Variants in DACH1 observed in about 807,000 individuals in gnomAD.
DACH1 encodes dachshund homolog 1.
A neutral mutation model predicts 54.2 loss-of-function variants in DACH1; 12 were observed. That is an observed-to-expected ratio of 0.22 (90% confidence interval 0.14 to 0.36). DACH1 has a LOEUF of 0.36. DACH1 is among the 10% of genes least tolerant of loss of function. DACH1 has a pLI of 1.00. For missense variants in DACH1, 805 were observed against 929.8 expected, an observed-to-expected ratio of 0.87 and a Z score of 1.75; for synonymous variants, 386 against 366.2, an observed-to-expected ratio of 1.05 and a Z score of -0.62.
intron 6 of DACH1, among the ~76,000 whole-genome samples, chr13:71,519,883 G>GTA (rs57190375): frequency 0.051 from 1,488 of 29,362 alleles, 205 homozygotes; most frequent in South Asian, 0.096. Context: ...AACCAAAGTA[G>GTA]TATATATATA....
At chr13:71,581,473 T>C (rs1872847013) in intron 3 of DACH1, among the ~76,000 whole-genome samples, 1 of 152,216 alleles carries the variant, frequency 6.6e-6, no homozygotes, top group African/African-American at 2.4e-5. Context: ...GCCAGGCTGG[T>C]CTCGAAGTCC....
At chr13:71,555,862 CAATA>C (rs1168406465) in intron 6 of DACH1, among the ~76,000 whole-genome samples, 1 of 152,052 alleles carries the variant, frequency 6.6e-6, no homozygotes, top group Non-Finnish European at 1.5e-5. Flanking sequence ...TCAAGTTTCA[CAATA>C]AATAATGTAA....
At chr13:71,719,128 T>C (rs1227605015) in intron 1 of DACH1, among the ~76,000 whole-genome samples, 1 of 152,200 alleles carries the variant, frequency 6.6e-6, no homozygotes, top group African/African-American at 2.4e-5. Context: ...AACAGTCAAC[T>C]AAACCCTGCG....
intron 1 of DACH1, among the ~76,000 whole-genome samples, chr13:71,854,585 C>T (rs1450103305): frequency 3.9e-5 from 6 of 151,986 alleles, no homozygotes; most frequent in Non-Finnish European, 7.4e-5. Context: ...CTAGAAAGTG[C>T]CTCTGAAAGA....
chr13:71,608,740 G>A (rs1311898850), intron 3 of DACH1, among the ~76,000 whole-genome samples: 1 of 151,960 alleles, frequency 6.6e-6, no homozygotes, highest in Non-Finnish European at 1.5e-5. Flanking sequence ...AAAATGTATG[G>A]GCTTGAGTAT....
At chr13:71,674,382 T>A (rs946252279) in intron 2 of DACH1, among the ~76,000 whole-genome samples, 2 of 152,084 alleles carry the variant, frequency 1.3e-5, no homozygotes, top group East Asian at 3.9e-4. Context: ...TCCTGTATTA[T>A]CTAATGTAGC....
intron 1 of DACH1, among the ~76,000 whole-genome samples, chr13:71,735,804 C>A (rs114693003): frequency 0.015 from 2,319 of 151,980 alleles, 41 homozygotes; most frequent in African/African-American, 0.04. Context: ...TAATCCATTT[C>A]AAAATTTTAC....
chr13:71,548,189 G>A (rs958468675), intron 6 of DACH1, among the ~76,000 whole-genome samples: 1 of 152,130 alleles, frequency 6.6e-6, no homozygotes, highest in Non-Finnish European at 1.5e-5. Context: ...ATTTAGTGAT[G>A]ATTAGCCATA....
chr13:71,862,620 C>T (rs1050954957), intron 1 of DACH1, among the ~76,000 whole-genome samples: 10 of 151,860 alleles, frequency 6.6e-5, no homozygotes, highest in Non-Finnish European at 1.0e-4. Flanking sequence ...TTTTCACCTC[C>T]TTGTGGTAAT....
chr13:71,800,197 T>C (rs1218440665), intron 1 of DACH1, among the ~76,000 whole-genome samples: 1 of 152,080 alleles, frequency 6.6e-6, no homozygotes, highest in Non-Finnish European at 1.5e-5. Flanking sequence ...TCAAACACTG[T>C]GATTATATAC....
intron 1 of DACH1, among the ~76,000 whole-genome samples, chr13:71,762,808 T>C (rs914545760): frequency 6.7e-6 from 1 of 148,514 alleles, no homozygotes; most frequent in Admixed American, 6.7e-5. Flanking sequence ...TACATCTAAG[T>C]GGTAGATACA....
At chr13:71,536,345 G>GTGTT (rs1370852582) in intron 6 of DACH1, among the ~76,000 whole-genome samples, 3 of 152,040 alleles carry the variant, frequency 2.0e-5, no homozygotes, top group Non-Finnish European at 2.9e-5. Context: ...TTTGGTTAAA[G>GTGTT]TGTTAGTCTA....
At chr13:71,722,438 C>T (rs1049937316) in intron 1 of DACH1, among the ~76,000 whole-genome samples, 3 of 152,098 alleles carry the variant, frequency 2.0e-5, no homozygotes, top group Non-Finnish European at 4.4e-5. Flanking sequence ...TAAGTCATAC[C>T]GAACACCAAA....
At chr13:71,773,970 C>G (rs1318295784) in intron 1 of DACH1, among the ~76,000 whole-genome samples, 1 of 134,518 alleles carries the variant, frequency 7.4e-6, no homozygotes, top group African/African-American at 2.9e-5. Flanking sequence ...ACTCTATTGC[C>G]TGTTTAAAAA....
At chr13:71,645,283 G>T (rs552626650) in intron 2 of DACH1, among the ~76,000 whole-genome samples, 4 of 152,284 alleles carry the variant, frequency 2.6e-5, no homozygotes, top group African/African-American at 9.6e-5. Context: ...GAAGAAAAAG[G>T]TGAAGAAAAA....
intron 1 of DACH1, among the ~76,000 whole-genome samples, chr13:71,823,468 A>C (rs1354905547): frequency 2.0e-5 from 3 of 152,122 alleles, no homozygotes; most frequent in Non-Finnish European, 4.4e-5. Flanking sequence ...AAACTTTTTC[A>C]CTGATGCACT....
chr13:71,837,654 T>A (rs1172061653), intron 1 of DACH1, among the ~76,000 whole-genome samples: 1 of 151,860 alleles, frequency 6.6e-6, no homozygotes, highest in East Asian at 1.9e-4. Flanking sequence ...GGTCTAAGAA[T>A]CCCATTACTG....
rs113582156 is a variant in DACH1, at chr13:71,781,624, C to T, written c.848+84298G>A. 4.2e-3 allele frequency among the ~76,000 whole-genome samples: 640 copies of T among 152,068 alleles called. 1 individual carries two copies. The highest frequency in any genetic ancestry group is 0.015 in the African/African-American group (620 of 41,498). ...CGATCTCCTGACCTCGTGATCCGCCCGCCTCGGCCTCCCAAAGTGCTGGGA... is the reference window on the plus strand; with the variant it reads ...CGATCTCCTGACCTCGTGATCCGCCTGCCTCGGCCTCCCAAAGTGCTGGGA... On this transcript the variant is annotated intron_variant, in intron 1 of 10. Coordinates refer to ENST00000613252, the MANE Select transcript of DACH1 (RefSeq NM_080759.6).
intron 1 of DACH1, among the ~76,000 whole-genome samples, chr13:71,762,871 C>T (rs1310285877): frequency 6.6e-6 from 1 of 150,886 alleles, no homozygotes; most frequent in East Asian, 1.9e-4. Context: ...TAATATTGGA[C>T]CAATTTAATA....
Sources: allele counts gnomAD v4.1 joint callset (sites outside exome capture counted in the v4.1 genomes callset), GRCh38; gene constraint gnomAD v4.1.1; transcripts MANE v1.5; gene names NCBI Gene and HGNC (gene_info 2026-07-23, HGNC 2026-07-21).